The following IL36B variants were observed in gnomAD, a reference collection of about 807,000 sequenced individuals.
IL36B encodes the protein interleukin-36 beta.
IL36B carries 23 observed loss-of-function variants against 19.3 expected under a neutral mutation model. The observed-to-expected ratio is 1.19, with a 90% confidence interval of 0.86 to 1.69. The LOEUF (loss-of-function observed/expected upper bound fraction) is 1.69, where lower values mean the gene tolerates loss of function less well. IL36B is among the 40% of genes most tolerant of loss of function. The pLI is 0.00. For synonymous variants in IL36B, 59 were observed against 59.7 expected (o/e 0.99, Z 0.05); for missense variants, 217 against 200.5 (o/e 1.08, Z -0.50).
intron 3 of IL36B, among the ~76,000 whole-genome samples, chr2:113,030,562 C>T (rs772301610): frequency 6.6e-6 from 1 of 152,028 alleles, no homozygotes; most frequent in Non-Finnish European, 1.5e-5. Flanking sequence ...TGCAGGGAAG[C>T]GAGGAATTAA....
At chr2:113,024,703 T>A (rs938490220) in intron 5 of IL36B, among the ~76,000 whole-genome samples, 7 of 152,234 alleles carry the variant, frequency 4.6e-5, no homozygotes, top group Non-Finnish European at 8.8e-5. Context: ...ATGGGCTGGC[T>A]GTCTATCTCT....
intron 1 of IL36B, among the ~76,000 whole-genome samples, chr2:113,046,551 A>C (rs1394412728): frequency 6.6e-6 from 1 of 151,970 alleles, no homozygotes; most frequent in East Asian, 1.9e-4. Context: ...CCACCATTCC[A>C]TCAAAGATAA....
chr2:113,029,157 T>C, intron 3 of IL36B, 79 bp from the exon 4 acceptor site: 2 of 1,426,228 alleles, frequency 1.4e-6, no homozygotes, highest in East Asian at 2.3e-5. Context: ...AGGTAGGGAA[T>C]AGTGACAGGC....
chr2:113,024,159 C>T (rs1329848117), intron 5 of IL36B, among the ~76,000 whole-genome samples: 4 of 152,148 alleles, frequency 2.6e-5, no homozygotes, highest in Non-Finnish European at 5.9e-5. Context: ...TAAACTCCCT[C>T]TCTACCACCC....
Position 113,031,164 on chromosome 2 carries a change from T to C in IL36B, c.14-9A>G. 3 of 1,592,948 alleles carry C rather than the reference T, an allele frequency of 1.9e-6. No homozygotes were observed. On this transcript the variant is annotated splice_polypyrimidine_tract_variant and intron_variant, in intron 2 of 5. Coordinates refer to ENST00000259213, the MANE Select transcript of IL36B (RefSeq NM_014438.5). ...TTTGGGTGCTGCCTCCCCTGCCAGA[T>C]GACAAAAATGCACAAAATACACGTG...
chr2:113,034,331 C>T (rs1685129189), intron 1 of IL36B, among the ~76,000 whole-genome samples: 1 of 152,198 alleles, frequency 6.6e-6, no homozygotes. Flanking sequence ...CTCGCTTCTT[C>T]CATGCATATG....
At chr2:113,039,654 A>T (rs1316551158) in intron 1 of IL36B, among the ~76,000 whole-genome samples, 1 of 152,232 alleles carries the variant, frequency 6.6e-6, no homozygotes, top group East Asian at 1.9e-4. Context: ...ACAGAAAAAG[A>T]GGTATCAGGA....
chr2:113,034,154 C>T (rs1394154725), intron 1 of IL36B, among the ~76,000 whole-genome samples: 1 of 152,178 alleles, frequency 6.6e-6, no homozygotes, highest in Non-Finnish European at 1.5e-5. Flanking sequence ...GATCTGGGTC[C>T]TCTTTATCTT....
chr2:113,046,353 A>G (rs1685350190), intron 1 of IL36B, among the ~76,000 whole-genome samples: 1 of 151,150 alleles, frequency 6.6e-6, no homozygotes, highest in South Asian at 2.1e-4. Context: ...GGGACTACAG[A>G]CTCCCGCCAC....
At chr2:113,024,765 C>T (rs1262398681) in intron 5 of IL36B, among the ~76,000 whole-genome samples, 5 of 152,224 alleles carry the variant, frequency 3.3e-5, no homozygotes, top group Admixed American at 6.5e-5. Flanking sequence ...TTTATAAGCA[C>T]TGTCCAGGAT....
At chr2:113,026,410 G>A (rs1434765343) in intron 4 of IL36B, among the ~76,000 whole-genome samples, 2 of 152,164 alleles carry the variant, frequency 1.3e-5, no homozygotes, top group Non-Finnish European at 2.9e-5. Flanking sequence ...AATGCCAGAA[G>A]CATAGTTTTG....
Position 113,031,159 on chromosome 2 carries a change from C to G in IL36B, c.14-4G>C, listed in dbSNP as rs1192116592. 1.2e-6 allele frequency: 2 copies of G among 1,607,322 alleles called. No individual in the cohort carries two copies. Among genetic ancestry groups the G allele is most frequent in the East Asian group, 4.5e-5 (2 of 44,844 alleles). On this transcript the variant is annotated splice_region_variant and splice_polypyrimidine_tract_variant and intron_variant, in intron 2 of 5. Coordinates refer to ENST00000259213, the MANE Select transcript of IL36B (RefSeq NM_014438.5). ...TAGGATTTGGGTGCTGCCTCCCCTG[C>G]CAGATGACAAAAATGCACAAAATAC...
At chr2:113,049,908 T>C (rs369335253) in intron 1 of IL36B, among the ~76,000 whole-genome samples, 1 of 150,826 alleles carries the variant, frequency 6.6e-6, no homozygotes, top group Admixed American at 6.6e-5. Flanking sequence ...TGAGCTGAGA[T>C]CACGCCACTT....
At chr2:113,027,641 G>C (rs1458409632) in intron 4 of IL36B, 1 of 1,297,850 alleles carries the variant, frequency 7.7e-7, no homozygotes, top group African/African-American at 1.5e-5. Context: ...ACTGGGCATG[G>C]CAGCTGAGTG....
At chr2:113,034,174 T>A (rs1347642085) in intron 1 of IL36B, among the ~76,000 whole-genome samples, 1 of 152,204 alleles carries the variant, frequency 6.6e-6, no homozygotes, top group Non-Finnish European at 1.5e-5. Flanking sequence ...TTCTGCTGCC[T>A]TCTATCCCTG....
In IL36B at chr2:113,022,416, T is replaced by A. The variant is rs922480879; in HGVS notation, c.*258A>T. 1 of 253,276 alleles carries A rather than the reference T, an allele frequency of 3.9e-6. No individual in the cohort carries two copies. The highest frequency in any genetic ancestry group is 7.5e-6 in the Non-Finnish European group (1 of 133,308). 15.7% of individuals were successfully genotyped at this position (253,276 alleles called of 1,614,324 possible). ...TGAAAACCTTGACTTTACAATTTTT[T>A]AAAAAACACTCTAAGGACTGGACAA... On this transcript the variant is annotated 3_prime_UTR_variant, in exon 6 of 6. Transcript: ENST00000259213.
At chr2:113,029,221 T>A (rs1363384557) in intron 3 of IL36B, 143 bp from the exon 4 acceptor site, 2 of 780,714 alleles carry the variant, frequency 2.6e-6, no homozygotes, top group Non-Finnish European at 3.9e-6. Flanking sequence ...CAAACCTATT[T>A]TGTTTTTCGT....
In IL36B at chr2:113,042,592, T is replaced by C. The variant is rs905942004; in HGVS notation, c.-58+10225A>G. Among the ~76,000 whole-genome samples, 6 of 152,234 alleles carry C rather than the reference T, an allele frequency of 3.9e-5. No homozygotes were observed. In the South Asian group the frequency reaches 1.0e-3, roughly 26 times the overall value. On this transcript the variant is annotated intron_variant, in intron 1 of 5. Coordinates refer to ENST00000259213, the MANE Select transcript of IL36B (RefSeq NM_014438.5). The stretch of plus-strand genomic sequence containing the variant: ...TATATAAAGGGGATCCCCCAGTATA[T>C]AATTGATTTTGTCTGGCTTCCTTCA...
chr2:113,039,807 G>A (rs556154094), intron 1 of IL36B, among the ~76,000 whole-genome samples: 15 of 152,318 alleles, frequency 9.8e-5, no homozygotes, highest in Non-Finnish European at 1.9e-4. Flanking sequence ...GTGTCACTGA[G>A]TTGGCTTGTA....
Sources: allele counts gnomAD v4.1 joint callset (sites outside exome capture counted in the v4.1 genomes callset), GRCh38; gene constraint gnomAD v4.1.1; transcripts MANE v1.5; gene names NCBI Gene and HGNC (gene_info 2026-07-23, HGNC 2026-07-21).